TMEM132E: variants seen among roughly 807,000 people sequenced by gnomAD.
The protein encoded by TMEM132E is transmembrane protein 132E.
In TMEM132E, 49 loss-of-function variants were observed where a neutral mutation model predicts 78.5. The ratio of observed to expected loss-of-function variants is 0.62; its 90% CI spans 0.50 to 0.79. TMEM132E has a LOEUF of 0.79. Ranked by LOEUF, TMEM132E falls within the 30% of genes least tolerant of loss-of-function variation. The probability of loss-of-function intolerance (pLI) is 0.00; values close to 1 mark genes in which losing one functional copy is unlikely to be tolerated. For missense variants in TMEM132E, 1,403 were observed against 1,470.9 expected, an observed-to-expected ratio of 0.95 and a Z score of 0.75; for synonymous variants, 715 against 670.6, an observed-to-expected ratio of 1.07 and a Z score of -1.02.
At chr17:34,630,961 G>A (rs144592595) in intron 5 of TMEM132E, among the ~76,000 whole-genome samples, 4 of 152,358 alleles carry the variant, frequency 2.6e-5, no homozygotes, top group East Asian at 3.9e-4. Flanking sequence ...AGAGGAGGCA[G>A]TAGAGTGGGC....
chr17:34,587,528 C>T (rs1414491320), intron 1 of TMEM132E, among the ~76,000 whole-genome samples: 1 of 152,104 alleles, frequency 6.6e-6, no homozygotes, highest in Non-Finnish European at 1.5e-5. Context: ...GACTGATGAC[C>T]ACTTTGCCCA....
At chr17:34,582,027 G>C (rs1409953840) in intron 1 of TMEM132E, among the ~76,000 whole-genome samples, 1 of 152,114 alleles carries the variant, frequency 6.6e-6, no homozygotes, top group African/African-American at 2.4e-5. Flanking sequence ...AGGAGGCGAG[G>C]GGAGCAGACC....
intron 1 of TMEM132E, among the ~76,000 whole-genome samples, chr17:34,601,558 C>T (rs1344490062): frequency 6.6e-6 from 1 of 152,204 alleles, no homozygotes; most frequent in African/African-American, 2.4e-5. Context: ...AACCTGATGG[C>T]CTTGTGGGAG....
intron 1 of TMEM132E, among the ~76,000 whole-genome samples, chr17:34,617,824 A>G (rs1377569210): frequency 6.6e-6 from 1 of 152,196 alleles, no homozygotes; most frequent in Non-Finnish European, 1.5e-5. Flanking sequence ...TTTAAATGGC[A>G]TTTATTTTTC....
intron 1 of TMEM132E, among the ~76,000 whole-genome samples, chr17:34,598,712 C>G (rs1256363649): frequency 6.6e-6 from 1 of 152,176 alleles, no homozygotes; most frequent in Non-Finnish European, 1.5e-5. Flanking sequence ...TAATTGGAAC[C>G]CAATTAAGTG....
rs1422353051 is a variant in TMEM132E, at chr17:34,626,288, G to A, written c.229G>A (p.Glu77Lys). The A allele has an allele frequency of 5.0e-6, 8 of 1,609,870 alleles. No homozygotes were observed. Among genetic ancestry groups the A allele is most frequent in the South Asian group, 1.1e-5 (1 of 90,242 alleles). The change falls in exon 2 of 9, where the codon GAG becomes AAG. Residue 77 changes from glutamate to lysine, a missense_variant. Physicochemically the swap from Glu to Lys is moderately conservative, Grantham distance 56 (BLOSUM62 1). This residue lies in a region of TMEM132E where 511 missense variants were observed against 499.0 expected (regional missense o/e 1.02). Transcript: ENST00000631683. ...AVANSSLQRS[E>K]PFVVFQTKEL... Reference sequence around the variant, plus strand: ...CGCCAACAGCTCTCTGCAGCGCTCCGAGCCCTTCGTGGTGTTCCAGACCAA... The same window carrying A: ...CGCCAACAGCTCTCTGCAGCGCTCCAAGCCCTTCGTGGTGTTCCAGACCAA...
At chr17:34,618,683 G>A (rs1022780436) in intron 1 of TMEM132E, among the ~76,000 whole-genome samples, 2 of 152,148 alleles carry the variant, frequency 1.3e-5, no homozygotes, top group African/African-American at 4.8e-5. Flanking sequence ...CACTAGGAGG[G>A]CAGAGGAGTG....
At chr17:34,608,505 C>G in intron 1 of TMEM132E, among the ~76,000 whole-genome samples, 1 of 152,136 alleles carries the variant, frequency 6.6e-6, no homozygotes, top group South Asian at 2.1e-4. Flanking sequence ...GTGCTGTGGC[C>G]GTTATTATTG....
Position 34,614,155 on chromosome 17 carries a change from C to A in TMEM132E, c.68-11972C>A, listed in dbSNP as rs961592928. Among the ~76,000 whole-genome samples, 10 of 152,146 alleles carry A rather than the reference C, an allele frequency of 6.6e-5. 1 individual carries two copies. The highest frequency in any genetic ancestry group is 1.3e-4 in the Non-Finnish European group (9 of 68,020). On this transcript the variant is annotated intron_variant, in intron 1 of 8. Coordinates refer to ENST00000631683, the MANE Select transcript of TMEM132E (RefSeq NM_001304438.2). ...GTTTCATGTGGCCTGGATTGGGCAC[C>A]AGGCAGCCGGGTGGTAGGGAGTATC...
rs776687135 is a variant in TMEM132E at position 34,638,173 on chromosome 17, C to T, written c.3166C>T (p.Arg1056Trp). ...WGCPDVAGPT[R>W]PTAPPDLHNY... Reference sequence around the variant, plus strand: ...CTGCCCGGATGTGGCGGGCCCCACGCGGCCCACTGCACCCCCGGACCTGCA... The same window carrying T: ...CTGCCCGGATGTGGCGGGCCCCACGTGGCCCACTGCACCCCCGGACCTGCA... The change falls in exon 9 of 9, where the codon CGG becomes TGG. Residue 1056 changes from arginine to tryptophan, a missense_variant. Transcript: ENST00000631683. 1.1e-5 allele frequency: 17 copies of T among 1,604,246 alleles called. No homozygotes were observed. The highest frequency in any genetic ancestry group is 1.4e-5 in the Non-Finnish European group (16 of 1,176,394).
intron 7 of TMEM132E, among the ~76,000 whole-genome samples, chr17:34,635,412 T>C (rs1222490585): frequency 6.6e-6 from 1 of 152,194 alleles, no homozygotes; most frequent in Non-Finnish European, 1.5e-5. Flanking sequence ...CTTTGACCTT[T>C]CCTGACTTGT....
chr17:34,630,400 A>G (rs1907313675), intron 5 of TMEM132E, among the ~76,000 whole-genome samples: 1 of 152,148 alleles, frequency 6.6e-6, no homozygotes, highest in Non-Finnish European at 1.5e-5. Context: ...ACTGACTCCC[A>G]TGATACTCCC....
chr17:34,628,472 C>T (rs1441472024), intron 2 of TMEM132E, 91 bp from the exon 3 acceptor site: 13 of 1,430,388 alleles, frequency 9.1e-6, no homozygotes, highest in East Asian at 5.3e-5. Flanking sequence ...TGTTCCCCCT[C>T]CCCCCAGTAC....
chr17:34,581,087 G>A lies in TMEM132E; in HGVS notation c.11G>A (p.Gly4Glu), dbSNP rs1905457290. ...GCCCCCGCCTCGGCCATGGCCCCGG[G>A]GATGTCGGGCCGCGGCGGCGCCGCC... The part of the protein sequence containing the change: MAP[G>E]MSGRGGAALL... The change falls in exon 1 of 9, where the codon GGG becomes GAG. Residue 4 changes from glycine (G) to glutamate (E), a missense_variant. Around this residue, in one of 3 missense-constraint regions of TMEM132E, gnomAD observed 511 missense variants for 499.0 expected, o/e 1.02. Transcript: ENST00000631683. 1 of 1,553,862 alleles carries A rather than the reference G, an allele frequency of 6.4e-7. No homozygotes were observed. Among genetic ancestry groups the A allele is most frequent in the Non-Finnish European group, 8.6e-7 (1 of 1,156,972 alleles).
Position 34,634,856 on chromosome 17 carries a change from A to G in TMEM132E, c.1746A>G (p.Ala582=), listed in dbSNP as rs1394087977. Reference sequence around the variant, plus strand: ...AGGAGGAGGAGCGGCGGCAGAGTGCAAGCCGTGGCTGCACCCTGCAGTACC... The same window carrying G: ...AGGAGGAGGAGCGGCGGCAGAGTGCGAGCCGTGGCTGCACCCTGCAGTACC... ...DEEEEERRQS[A]SRGCTLQYQH... The change falls in exon 7 of 9, where the codon GCA becomes GCG. Residue 582 remains alanine, a synonymous_variant. Transcript: ENST00000631683. 10 of 1,613,990 alleles carry G rather than the reference A, an allele frequency of 6.2e-6. No individual in the cohort carries two copies. In the Admixed American group the frequency reaches 8.3e-5, roughly 13 times the overall value.
chr17:34,626,876 A>C lies in TMEM132E; in HGVS notation c.817A>C (p.Ser273Arg). ...CCAGCACCCCCTGCTGCGCATCGGG[A>C]GCATCAGCCTGTTCCGCCCGCCCCC... ...PTQHPLLRIG[S>R]ISLFRPPPRR... Residue 273 changes from serine (S) to arginine (R), a missense_variant, in exon 2 of 9, where the codon AGC (serine) becomes CGC (arginine). Ser to Arg is a moderately radical substitution (Grantham distance 110). Coordinates refer to ENST00000631683, the MANE Select transcript of TMEM132E (RefSeq NM_001304438.2). The C allele has an allele frequency of 6.2e-7, 1 of 1,610,478 alleles. No homozygotes were observed. Among genetic ancestry groups the C allele is most frequent in the Non-Finnish European group, 8.5e-7 (1 of 1,179,648 alleles).
intron 1 of TMEM132E, among the ~76,000 whole-genome samples, chr17:34,612,992 C>T (rs1906641408): frequency 6.6e-6 from 1 of 151,990 alleles, no homozygotes; most frequent in Non-Finnish European, 1.5e-5. Flanking sequence ...TGTCCCCCAC[C>T]CTGCACCTCT....
chr17:34,602,580 A>T (rs1906278818), intron 1 of TMEM132E, among the ~76,000 whole-genome samples: 1 of 152,168 alleles, frequency 6.6e-6, no homozygotes, highest in Non-Finnish European at 1.5e-5. Context: ...ACATGTTGTC[A>T]CACTGGAGAC....
intron 1 of TMEM132E, among the ~76,000 whole-genome samples, chr17:34,600,516 C>T (rs1267825076): frequency 6.6e-6 from 1 of 150,728 alleles, no homozygotes; most frequent in African/African-American, 2.5e-5. Flanking sequence ...GGGGATCCAC[C>T]CTTGGGAGTC....
Sources: allele counts gnomAD v4.1 joint callset (sites outside exome capture counted in the v4.1 genomes callset), GRCh38; gene constraint gnomAD v4.1.1; regional missense constraint gnomAD v4.1.1; transcripts MANE v1.5; gene names NCBI Gene and HGNC (gene_info 2026-07-23, HGNC 2026-07-21).